DPP6: variants seen among roughly 807,000 people sequenced by gnomAD.
The protein encoded by DPP6 is dipeptidyl peptidase like 6.
Under a neutral mutation model 122.6 loss-of-function variants are expected in DPP6, and 69 were observed. The ratio of observed to expected loss-of-function variants is 0.56; its 90% CI spans 0.46 to 0.69. The LOEUF is 0.69. DPP6 is among the 30% of genes least tolerant of loss of function. DPP6 has a pLI of 0.00. For synonymous variants in DPP6, 418 were observed against 433.1 expected (o/e 0.97, Z 0.43); for missense variants, 928 against 1,116.9 (o/e 0.83, Z 2.41).
intron 1 of DPP6, among the ~76,000 whole-genome samples, chr7:154,183,120 C>A (rs979358663): frequency 6.6e-6 from 1 of 152,204 alleles, no homozygotes; most frequent in African/African-American, 2.4e-5. Flanking sequence ...GAGTCCCCAG[C>A]TGGCTAGTGC....
chr7:154,567,272 C>T (rs930365118), intron 5 of DPP6, among the ~76,000 whole-genome samples: 3 of 152,162 alleles, frequency 2.0e-5, no homozygotes, highest in African/African-American at 7.2e-5. Context: ...AAAGCAACTG[C>T]CAGGTTCTCC....
intron 3 of DPP6, among the ~76,000 whole-genome samples, chr7:154,523,706 C>A (rs1335275505): frequency 6.6e-6 from 1 of 152,094 alleles, no homozygotes; most frequent in Non-Finnish European, 1.5e-5. Context: ...CTGGATTAGG[C>A]CAGTTGTATT....
At chr7:154,106,393 G>A (rs1806163616) in intron 1 of DPP6, among the ~76,000 whole-genome samples, 1 of 118,488 alleles carries the variant, frequency 8.4e-6, no homozygotes, top group Admixed American at 9.6e-5. Context: ...TGGTAGACAT[G>A]GAGTGTGGTG....
At chr7:153,999,804 T>C (rs3961899) in intron 1 of DPP6, among the ~76,000 whole-genome samples, 2 of 152,110 alleles carry the variant, frequency 1.3e-5, no homozygotes, top group Non-Finnish European at 2.9e-5. Context: ...ATTAAAAATA[T>C]AAAAATTAGC....
chr7:154,008,299 A>G (rs574344973), intron 1 of DPP6, among the ~76,000 whole-genome samples: 1 of 152,336 alleles, frequency 6.6e-6, no homozygotes, highest in African/African-American at 2.4e-5. Context: ...TGGTTGGGAC[A>G]TACCCATTGA....
chr7:154,637,303 A>G (rs1334961282), intron 5 of DPP6, among the ~76,000 whole-genome samples: 2 of 152,142 alleles, frequency 1.3e-5, no homozygotes, highest in Non-Finnish European at 2.9e-5. Flanking sequence ...ACTCTCTTGA[A>G]ACCAAAAGAT....
intron 5 of DPP6, among the ~76,000 whole-genome samples, chr7:154,574,504 GTATGTGTGGTGTGGTGTA>G (rs1321449676): frequency 1.4e-5 from 2 of 141,016 alleles, no homozygotes; most frequent in East Asian, 2.3e-4. Flanking sequence ...TGTGGTGTGT[GTATGTGTGGTGTGGTGTA>G]TATGTGTGGT....
intron 1 of DPP6, among the ~76,000 whole-genome samples, chr7:154,065,747 C>T (rs1020510754): frequency 3.9e-5 from 6 of 152,174 alleles, no homozygotes; most frequent in African/African-American, 7.2e-5. Flanking sequence ...CTGTGTTCCA[C>T]GGACATCAGT....
At chr7:154,390,958 T>C (rs1393988611) in intron 1 of DPP6, among the ~76,000 whole-genome samples, 2 of 152,152 alleles carry the variant, frequency 1.3e-5, no homozygotes, top group Non-Finnish European at 2.9e-5. Flanking sequence ...TTTCTAACCA[T>C]GTGACCTGGG....
chr7:154,794,249 G>A, intron 11 of DPP6, 47 bp downstream of exon 11: 1 of 1,529,028 alleles, frequency 6.5e-7, no homozygotes. Flanking sequence ...AAGAACCGAT[G>A]GTCAGACGCG....
chr7:154,507,449 T>A (rs1586487074), intron 3 of DPP6, among the ~76,000 whole-genome samples: 1 of 152,230 alleles, frequency 6.6e-6, no homozygotes, highest in African/African-American at 2.4e-5. Flanking sequence ...CTCCCCGCCC[T>A]GATATGCCCC....
chr7:154,319,875 C>T (rs1295563441), intron 1 of DPP6, among the ~76,000 whole-genome samples: 1 of 151,926 alleles, frequency 6.6e-6, no homozygotes, highest in Non-Finnish European at 1.5e-5. Context: ...CCTGTAATCC[C>T]AGCTACACAG....
upstream of DPP6, among the ~76,000 whole-genome samples, chr7:154,047,624 G>T (rs1256830704): frequency 1.3e-5 from 2 of 151,400 alleles, no homozygotes; most frequent in Non-Finnish European, 2.9e-5. Flanking sequence ...AATGACAGGA[G>T]TTCGTGCCTC....
At chr7:154,240,446 T>G (rs901316748) in intron 1 of DPP6, among the ~76,000 whole-genome samples, 8 of 152,200 alleles carry the variant, frequency 5.3e-5, no homozygotes, top group African/African-American at 1.9e-4. Flanking sequence ...CTTTTCCTTC[T>G]ATAATAAGAA....
chr7:154,246,303 C>G (rs1217478484), intron 1 of DPP6, among the ~76,000 whole-genome samples: 1 of 151,800 alleles, frequency 6.6e-6, no homozygotes, highest in Admixed American at 6.6e-5. Flanking sequence ...AGGATAAAAT[C>G]AATTATTTAA....
intron 3 of DPP6, among the ~76,000 whole-genome samples, chr7:154,496,672 G>T (rs1274843685): frequency 1.3e-5 from 2 of 152,188 alleles, no homozygotes; most frequent in Admixed American, 1.3e-4. Flanking sequence ...TTTTGGATCT[G>T]CCCCATCGTT....
intron 1 of DPP6, among the ~76,000 whole-genome samples, chr7:153,942,084 G>A (rs867261775): frequency 6.6e-6 from 1 of 152,240 alleles, no homozygotes; most frequent in Non-Finnish European, 1.5e-5. Context: ...AATGGTGCCT[G>A]AGGAATTGCT....
intron 1 of DPP6, among the ~76,000 whole-genome samples, chr7:154,041,334 G>C (rs908031397): frequency 6.6e-6 from 1 of 152,314 alleles, no homozygotes; most frequent in East Asian, 1.9e-4. Context: ...AGGTGGGAAG[G>C]CTTGATGATT....
rs566299911 is a variant in DPP6, at chr7:154,506,604, G to GT, written c.457+31570dup. ...GTATCAAATTAATGTGATACTCAGT[G>GT]TTTCATTAAGTTCCTCCAAATAACC... On this transcript the variant is annotated intron_variant, in intron 3 of 25. Transcript: ENST00000377770. Among the ~76,000 whole-genome samples, 3 of 152,198 alleles carry GT rather than the reference G, an allele frequency of 2.0e-5. No individual in the cohort carries two copies. In the South Asian group the frequency reaches 6.2e-4, roughly 32 times the overall value.
Sources: gnomAD v4.1 joint callset for allele counts (sites outside exome capture counted in the v4.1 genomes callset) on GRCh38, gnomAD v4.1.1 for gene constraint, MANE v1.5 for transcripts, NCBI Gene and HGNC (gene_info 2026-07-23, HGNC 2026-07-21) for gene names.